B3GALT1: variants seen among roughly 807,000 people sequenced by gnomAD.
B3GALT1 encodes beta-1,3-galactosyltransferase 1, also known as UDP-Gal:betaGlcNAc beta 1,3-galactosyltransferase, polypeptide 1.
Under a neutral mutation model 23.2 loss-of-function variants are expected in B3GALT1, and 10 were observed. That is an observed-to-expected ratio of 0.43 (90% confidence interval 0.27 to 0.73). The LOEUF (loss-of-function observed/expected upper bound fraction) is 0.73. Ranked by LOEUF, B3GALT1 falls within the 30% of genes least tolerant of loss-of-function variation. The pLI, the probability that B3GALT1 is intolerant of heterozygous loss-of-function variation, is 0.21. For missense variants in B3GALT1, 299 were observed against 405.4 expected, an observed-to-expected ratio of 0.74 and a Z score of 2.25; for synonymous variants, 156 against 141.5, an observed-to-expected ratio of 1.10 and a Z score of -0.73.
At chr2:167,523,067 A>C (rs1252333352) in intron 2 of B3GALT1, among the ~76,000 whole-genome samples, 1 of 152,156 alleles carries the variant, frequency 6.6e-6, no homozygotes, top group Non-Finnish European at 1.5e-5. Flanking sequence ...ATGACTCCCC[A>C]GAAAAGCATC....
chr2:167,676,494 CAT>C lies in B3GALT1; in HGVS notation c.-352+29529_-352+29530del, dbSNP rs548185080. Among the ~76,000 whole-genome samples the C allele has an allele frequency of 2.8e-3, 424 of 149,034 alleles. 3 individuals carry two copies. Among genetic ancestry groups the C allele is most frequent in the African/African-American group, 9.7e-3 (393 of 40,470 alleles). On this transcript the variant is annotated intron_variant, in intron 3 of 4. Coordinates refer to ENST00000392690, the MANE Select transcript of B3GALT1 (RefSeq NM_020981.4). The stretch of plus-strand genomic sequence containing the variant: ...TTATATATATATACACACACACACA[CAT>C]GCACACACGTGTATGTTTATACACA...
At chr2:167,486,914 C>T (rs990890633) in intron 1 of B3GALT1, among the ~76,000 whole-genome samples, 9 of 151,968 alleles carry the variant, frequency 5.9e-5, no homozygotes, top group Non-Finnish European at 1.3e-4. Flanking sequence ...TATGTTAACT[C>T]CTTTAATTAT....
chr2:167,554,071 A>G (rs1683800178), intron 2 of B3GALT1, among the ~76,000 whole-genome samples: 1 of 152,222 alleles, frequency 6.6e-6, no homozygotes, highest in Admixed American at 6.5e-5. Context: ...AGTTAAGAGC[A>G]TGACCGCTGG....
At chr2:167,558,157 A>G (rs1168969009) in intron 2 of B3GALT1, 1 of 152,220 alleles carries the variant, frequency 6.6e-6, no homozygotes, top group African/African-American at 2.4e-5. Flanking sequence ...ACAGTGTGTG[A>G]CAACCTGAAA....
In B3GALT1 at chr2:167,740,098, C is replaced by CTAAATAAATAAA. The variant is rs57363909; in HGVS notation, c.-351-78543_-351-78532dup. On this transcript the variant is annotated intron_variant, in intron 3 of 4. Coordinates refer to ENST00000392690, the MANE Select transcript of B3GALT1 (RefSeq NM_020981.4). ...TGGGCAACAGAGTGGGACTCTGTCT[C>CTAAATAAATAAA]TAAATAAATAAATAAATAAATAAAT... 9.4e-4 allele frequency among the ~76,000 whole-genome samples: 134 copies of CTAAATAAATAAA among 142,992 alleles called. 1 individual carries two copies. Among genetic ancestry groups the CTAAATAAATAAA allele is most frequent in the Non-Finnish European group, 7.8e-4 (51 of 65,754 alleles). 93.8% of individuals were successfully genotyped at this position (142,992 alleles called of 152,430 possible).
At chr2:167,610,710 G>A (rs1685048126) in intron 2 of B3GALT1, among the ~76,000 whole-genome samples, 2 of 151,928 alleles carry the variant, frequency 1.3e-5, no homozygotes, top group Non-Finnish European at 2.9e-5. Flanking sequence ...CTGAAATCTA[G>A]GATGAGGAAC....
chr2:167,315,262 G>A (rs1250806224), intron 1 of B3GALT1, among the ~76,000 whole-genome samples: 1 of 152,086 alleles, frequency 6.6e-6, no homozygotes, highest in African/African-American at 2.4e-5. Context: ...TATGAAGAAG[G>A]TCCTGGAAGA....
chr2:167,389,909 C>CAAAA (rs141871874), intron 1 of B3GALT1, among the ~76,000 whole-genome samples: 27 of 112,560 alleles, frequency 2.4e-4, no homozygotes, highest in East Asian at 5.4e-4. Flanking sequence ...ATACCCTGTC[C>CAAAA]AAAAAAAAAA....
At chr2:167,687,245 C>T (rs1046347861) in intron 3 of B3GALT1, among the ~76,000 whole-genome samples, 4 of 152,140 alleles carry the variant, frequency 2.6e-5, no homozygotes, top group African/African-American at 9.7e-5. Context: ...GCATTATTCT[C>T]ATTGAAAGAG....
At chr2:167,648,143 A>G (rs189325285) in intron 3 of B3GALT1, among the ~76,000 whole-genome samples, 7 of 152,254 alleles carry the variant, frequency 4.6e-5, no homozygotes, top group African/African-American at 1.7e-4. Context: ...GATTACCACA[A>G]AAACCTCCTG....
At chr2:167,638,452 C>T (rs940993760) in intron 2 of B3GALT1, among the ~76,000 whole-genome samples, 7 of 151,948 alleles carry the variant, frequency 4.6e-5, no homozygotes, top group African/African-American at 9.7e-5. Context: ...AGCAGTCTGC[C>T]GTGTTTCATG....
intron 3 of B3GALT1, among the ~76,000 whole-genome samples, chr2:167,797,638 C>T (rs1248423068): frequency 6.6e-6 from 1 of 152,294 alleles, no homozygotes; most frequent in East Asian, 1.9e-4. Flanking sequence ...TCACCAACAT[C>T]TGTTGTTTCT....
intron 3 of B3GALT1, among the ~76,000 whole-genome samples, chr2:167,787,942 A>T (rs1688370716): frequency 6.6e-6 from 1 of 152,180 alleles, no homozygotes. Context: ...CATTTGGGCA[A>T]CTTCCAAAAA....
chr2:167,570,692 GT>G (rs1306327810), intron 2 of B3GALT1, among the ~76,000 whole-genome samples: 1 of 151,686 alleles, frequency 6.6e-6, no homozygotes, highest in Non-Finnish European at 1.5e-5. Context: ...ATGTCCTTTA[GT>G]TTTTTTCTTT....
intron 2 of B3GALT1, among the ~76,000 whole-genome samples, chr2:167,640,216 A>G (rs574759517): frequency 1.4e-4 from 22 of 152,142 alleles, no homozygotes; most frequent in African/African-American, 5.1e-4. Context: ...TCCCACTTCT[A>G]TGAATGCTGC....
At chr2:167,667,675 TC>T (rs1336896642) in intron 3 of B3GALT1, among the ~76,000 whole-genome samples, 2 of 152,228 alleles carry the variant, frequency 1.3e-5, no homozygotes, top group Non-Finnish European at 2.9e-5. Context: ...TCTCTAAACT[TC>T]CCTTCTCGCT....
At chr2:167,774,472 G>GTTTTTT (rs796649898) in intron 3 of B3GALT1, among the ~76,000 whole-genome samples, 1 of 111,932 alleles carries the variant, frequency 8.9e-6, no homozygotes, top group African/African-American at 3.4e-5. Flanking sequence ...GTGTTTATTG[G>GTTTTTT]TTTTTTTTTT....
intron 3 of B3GALT1, chr2:167,714,056 C>A (rs1366768039): frequency 1.2e-5 from 18 of 1,536,378 alleles, no homozygotes; most frequent in Admixed American, 1.7e-5. Flanking sequence ...ATTTAAATGA[C>A]CAGGATCATC....
intron 1 of B3GALT1, among the ~76,000 whole-genome samples, chr2:167,387,739 A>G (rs1319645867): frequency 2.0e-5 from 3 of 152,206 alleles, no homozygotes; most frequent in Non-Finnish European, 4.4e-5. Flanking sequence ...TAACTAAGCC[A>G]TACAATACTG....
Sources: allele counts gnomAD v4.1 joint callset (sites outside exome capture counted in the v4.1 genomes callset), GRCh38; gene constraint gnomAD v4.1.1; transcripts MANE v1.5; gene names NCBI Gene and HGNC (gene_info 2026-07-23, HGNC 2026-07-21).